Variants in CELF4 observed in about 807,000 individuals in gnomAD.
CELF4 encodes the protein CUG-BP- and ETR-3-like factor 4.
In CELF4, 18 loss-of-function variants were observed where a neutral mutation model predicts 59.9. The observed-to-expected ratio is 0.30, with a 90% CI of 0.21 to 0.45. CELF4 has a LOEUF of 0.45. CELF4 is among the 20% of genes least tolerant of loss of function. The pLI, the probability that CELF4 is intolerant of heterozygous loss-of-function variation, is 1.00. For synonymous variants in CELF4, 261 were observed against 267.1 expected (o/e 0.98, Z 0.22); for missense variants, 456 against 689.0 (o/e 0.66, Z 3.79).
intron 2 of CELF4, among the ~76,000 whole-genome samples, chr18:37,323,359 G>T (rs972086410): frequency 1.3e-5 from 2 of 152,116 alleles, no homozygotes; most frequent in Non-Finnish European, 1.5e-5. Context: ...AAGATACTTT[G>T]TTCCCAAGCC....
chr18:37,425,947 T>A (rs2099609508), intron 2 of CELF4, among the ~76,000 whole-genome samples: 2 of 152,196 alleles, frequency 1.3e-5, no homozygotes, highest in Admixed American at 1.3e-4. Flanking sequence ...AGGGAGAGGC[T>A]TCTCTGCCAA....
intron 11 of CELF4, among the ~76,000 whole-genome samples, chr18:37,256,575 TTTTA>T (rs1372494777): frequency 1.3e-5 from 2 of 152,088 alleles, no homozygotes; most frequent in Admixed American, 6.5e-5. Flanking sequence ...TTTATTTTAT[TTTTA>T]TTTATTTATT....
chr18:37,513,980 G>A (rs954944664), intron 1 of CELF4, among the ~76,000 whole-genome samples: 6 of 127,028 alleles, frequency 4.7e-5, no homozygotes, highest in African/African-American at 1.7e-4. Context: ...GTGTGTGTGT[G>A]TGTATACCTT....
At chr18:37,255,304 C>T (rs2068542032) in intron 11 of CELF4, among the ~76,000 whole-genome samples, 1 of 151,832 alleles carries the variant, frequency 6.6e-6, no homozygotes, top group Admixed American at 6.6e-5. Context: ...AAAGAGAGCC[C>T]TTCCTCACTT....
intron 2 of CELF4, among the ~76,000 whole-genome samples, chr18:37,323,687 C>A (rs2097201815): frequency 6.6e-6 from 1 of 152,202 alleles, no homozygotes; most frequent in Non-Finnish European, 1.5e-5. Context: ...CCAAACAGGT[C>A]TTAAGGACTG....
chr18:37,513,539 T>G (rs2099946944), intron 1 of CELF4, among the ~76,000 whole-genome samples: 1 of 152,268 alleles, frequency 6.6e-6, no homozygotes, highest in African/African-American at 2.4e-5. Context: ...GCGTGGACCA[T>G]TCTTATGGAA....
chr18:37,355,939 T>C (rs1271511213), intron 2 of CELF4, among the ~76,000 whole-genome samples: 1 of 152,164 alleles, frequency 6.6e-6, no homozygotes, highest in Non-Finnish European at 1.5e-5. Flanking sequence ...GGCCTCGGAA[T>C]GCCCTGGAGG....
intron 1 of CELF4, among the ~76,000 whole-genome samples, chr18:37,537,970 C>T (rs540131598): frequency 1.5e-4 from 23 of 152,344 alleles, no homozygotes; most frequent in Middle Eastern, 3.4e-3. Flanking sequence ...GACATTTGTG[C>T]CCTGTGCCCC....
At chr18:37,423,109 C>G (rs1220670346) in intron 2 of CELF4, among the ~76,000 whole-genome samples, 1 of 150,722 alleles carries the variant, frequency 6.6e-6, no homozygotes, top group Admixed American at 6.6e-5. Flanking sequence ...GAGAGACAGA[C>G]AGACAGACAG....
In CELF4 at chr18:37,565,666, T is replaced by A. The variant is rs2099987988; in HGVS notation, c.-25A>T. ...TAGAGAAAATCTTCTTTCCTTTTAT[T>A]CTTTCTCGCTCACACTCTCTCGCTC... is the stretch of plus-strand genomic sequence containing the variant. On this transcript the variant is annotated 5_prime_UTR_variant, in exon 1 of 13. Coordinates refer to ENST00000420428, the MANE Select transcript of CELF4 (RefSeq NM_020180.4). The A allele has an allele frequency of 1.3e-6, 2 of 1,551,930 alleles. No homozygotes were observed. Among genetic ancestry groups the A allele is most frequent in the Non-Finnish European group, 1.7e-6 (2 of 1,148,882 alleles).
intron 2 of CELF4, among the ~76,000 whole-genome samples, chr18:37,419,100 G>A (rs991351762): frequency 2.0e-5 from 3 of 152,276 alleles, no homozygotes; most frequent in South Asian, 2.1e-4. Context: ...CCTCAAGAGT[G>A]GGGCACTGCT....
chr18:37,348,306 A>G (rs2098338807), intron 2 of CELF4, among the ~76,000 whole-genome samples: 1 of 152,124 alleles, frequency 6.6e-6, no homozygotes, highest in Non-Finnish European at 1.5e-5. Flanking sequence ...TAGGCCCCTG[A>G]AAAGCCTCCT....
At chr18:37,471,297 G>A (rs2099827854) in intron 2 of CELF4, among the ~76,000 whole-genome samples, 1 of 152,110 alleles carries the variant, frequency 6.6e-6, no homozygotes. Context: ...GACTGGCACA[G>A]GCCTTCACCA....
At chr18:37,275,347 AGGCGG>A in intron 3 of CELF4, 104 bp from the exon 4 acceptor site, 1 of 715,972 alleles carries the variant, frequency 1.4e-6, no homozygotes, top group Non-Finnish European at 1.7e-6. Flanking sequence ...GGAGCCGGGG[AGGCGG>A]GGCGGGGGCT....
At chr18:37,492,662 C>A (rs1479037915) in intron 1 of CELF4, among the ~76,000 whole-genome samples, 1 of 151,476 alleles carries the variant, frequency 6.6e-6, no homozygotes, top group Non-Finnish European at 1.5e-5. Flanking sequence ...AAATGTCCTC[C>A]CACTTCGAGT....
Position 37,253,952 on chromosome 18 carries a change from AGGGACGAGGGCCT to A in CELF4, c.1334-27_1334-15del. On this transcript the variant is annotated splice_polypyrimidine_tract_variant and intron_variant, in intron 11 of 12. Transcript: ENST00000420428. The surrounding 1 kb of genome is among the most constrained non-coding windows in gnomAD (Gnocchi z 4.5). The stretch of plus-strand genomic sequence containing the variant: ...AGCTCACGAAGCCTGGCGAGACACG[AGGGACGAGGGCCT>A]GGGTTTCCACGGGGCCGCCCGGGGC... 6.8e-7 allele frequency: 1 copy of A among 1,462,836 alleles called. No individual in the cohort carries two copies. Among genetic ancestry groups the A allele is most frequent in the Non-Finnish European group, 9.2e-7 (1 of 1,088,806 alleles). 90.6% of individuals were successfully genotyped at this position (1,462,836 alleles called of 1,614,324 possible).
intron 12 of CELF4, among the ~76,000 whole-genome samples, chr18:37,251,436 C>A (rs898502587): frequency 6.6e-6 from 1 of 152,166 alleles, no homozygotes; most frequent in Admixed American, 6.5e-5. Flanking sequence ...TCTGGGAATT[C>A]TTCTAACCTA....
At chr18:37,307,452 T>C (rs2096469358) in intron 3 of CELF4, among the ~76,000 whole-genome samples, 1 of 151,142 alleles carries the variant, frequency 6.6e-6, no homozygotes, top group Non-Finnish European at 1.5e-5. Context: ...CAACCTGGAG[T>C]GAATTCTCTC....
chr18:37,497,651 CAAAAAAA>C (rs58015103), intron 1 of CELF4, among the ~76,000 whole-genome samples: 1 of 118,300 alleles, frequency 8.5e-6, no homozygotes. Flanking sequence ...GACTCTGTCT[CAAAAAAA>C]AAAAAAAAGA....
Sources: gnomAD v4.1 joint callset for allele counts (sites outside exome capture counted in the v4.1 genomes callset) on GRCh38, gnomAD v4.1.1 for gene constraint, Gnocchi (gnomAD v3.1) non-coding constraint, MANE v1.5 for transcripts, NCBI Gene and HGNC (gene_info 2026-07-23, HGNC 2026-07-21) for gene names.